The following VDAC1 variants were observed in gnomAD, a reference collection of about 807,000 sequenced individuals.
VDAC1 encodes voltage dependent anion channel 1.
Under a neutral mutation model 34.7 loss-of-function variants are expected in VDAC1, and 10 were observed. That is an observed-to-expected ratio of 0.29 (90% CI 0.18 to 0.49). The LOEUF is 0.49. VDAC1 is among the 20% of genes least tolerant of loss of function. The probability of loss-of-function intolerance (pLI) is 0.99; values close to 1 mark genes in which losing one functional copy is unlikely to be tolerated. For synonymous variants in VDAC1, 130 were observed against 136.0 expected (o/e 0.96, Z 0.30); for missense variants, 230 against 347.9 (o/e 0.66, Z 2.69).
chr5:134,089,030 G>A, the VDAC1 span, among the ~76,000 whole-genome samples: 1 of 152,212 alleles, frequency 6.6e-6, no homozygotes, highest in Non-Finnish European at 1.5e-5. Context: ...CTAATTCTCA[G>A]TTTGCAAGAA....
the VDAC1 span, among the ~76,000 whole-genome samples, chr5:134,035,645 G>A: frequency 6.6e-6 from 1 of 152,146 alleles, no homozygotes; most frequent in South Asian, 2.1e-4. Context: ...TAGATAAATG[G>A]AGAAGGGACA....
the VDAC1 span, among the ~76,000 whole-genome samples, chr5:134,031,568 T>A: frequency 1.3e-5 from 2 of 152,200 alleles, no homozygotes; most frequent in African/African-American, 2.4e-5. Flanking sequence ...GGCTCACACC[T>A]GTAATCCTAG....
At chr5:134,055,590 T>TTTTG in the VDAC1 span, among the ~76,000 whole-genome samples, 472 of 31,196 alleles carry the variant, frequency 0.015, 26 homozygotes, top group African/African-American at 0.044. Flanking sequence ...CCGCTAATGT[T>TTTTG]TTTTTTTTTT....
At chr5:134,098,487 A>C in the VDAC1 span, among the ~76,000 whole-genome samples, 27 of 151,998 alleles carry the variant, frequency 1.8e-4, no homozygotes, top group African/African-American at 6.3e-4. Flanking sequence ...AGCCTCCCAA[A>C]GTGCTGGGAT....
the VDAC1 span, among the ~76,000 whole-genome samples, chr5:134,051,578 A>C: frequency 6.6e-6 from 1 of 151,644 alleles, no homozygotes; most frequent in Non-Finnish European, 1.5e-5. Context: ...TCTGTTCCAT[A>C]TCTCTCTTCT....
intron 5 of VDAC1, 158 bp from the exon 6 acceptor site, chr5:133,981,114 G>A (rs1752680252): frequency 3.2e-6 from 2 of 624,980 alleles, no homozygotes; most frequent in East Asian, 5.5e-5. Context: ...ACCACAATGA[G>A]CAGGACACAA....
the VDAC1 span, among the ~76,000 whole-genome samples, chr5:134,029,633 T>C: frequency 6.6e-6 from 1 of 152,250 alleles, no homozygotes; most frequent in Non-Finnish European, 1.5e-5. Context: ...TTAATTTGAT[T>C]TAATTTTAAT....
intron 5 of VDAC1, among the ~76,000 whole-genome samples, chr5:133,985,387 C>T (rs372792664): frequency 1.1e-4 from 16 of 152,122 alleles, no homozygotes; most frequent in African/African-American, 3.6e-4. Context: ...ACTGGTCAGG[C>T]GTAGTGGCTC....
the VDAC1 span, among the ~76,000 whole-genome samples, chr5:134,029,961 C>T: frequency 6.6e-6 from 1 of 152,090 alleles, no homozygotes; most frequent in Non-Finnish European, 1.5e-5. Flanking sequence ...AAAATGTAAC[C>T]CCTTGGGAAA....
chr5:134,062,919 A>C, the VDAC1 span, among the ~76,000 whole-genome samples: 1 of 146,034 alleles, frequency 6.8e-6, no homozygotes, highest in Non-Finnish European at 1.6e-5. Context: ...GAGCCACTGC[A>C]CCCGGCCTGA....
At chr5:134,079,718 A>AGCCCCAGGCCTTCCCAGGTGAGTTGCT in the VDAC1 span, among the ~76,000 whole-genome samples, 4 of 152,178 alleles carry the variant, frequency 2.6e-5, no homozygotes, top group African/African-American at 4.8e-5. Flanking sequence ...GGCAGCACAA[A>AGCCCCAGGCCTTCCCAGGTGAGTTGCT]GCCCCAGGCC....
chr5:134,026,110 C>A, the VDAC1 span, among the ~76,000 whole-genome samples: 10 of 152,212 alleles, frequency 6.6e-5, no homozygotes, highest in East Asian at 1.9e-3. Context: ...CATGCAAATC[C>A]GAACATCCAA....
chr5:134,060,269 C>T, the VDAC1 span, among the ~76,000 whole-genome samples: 1 of 151,992 alleles, frequency 6.6e-6, no homozygotes, highest in Non-Finnish European at 1.5e-5. Flanking sequence ...CGTTGATGCG[C>T]TGCACGCACC....
chr5:134,080,856 A>G, the VDAC1 span, among the ~76,000 whole-genome samples: 1 of 152,082 alleles, frequency 6.6e-6, no homozygotes, highest in Non-Finnish European at 1.5e-5. Context: ...TAATTATTTT[A>G]AGACTACATA....
chr5:134,098,333 G>T, the VDAC1 span, among the ~76,000 whole-genome samples: 1 of 145,228 alleles, frequency 6.9e-6, no homozygotes, highest in South Asian at 2.1e-4. Flanking sequence ...AAATAGCTGG[G>T]ATTACAGGCA....
At chr5:134,112,922 C>T in the VDAC1 span, among the ~76,000 whole-genome samples, 1 of 152,162 alleles carries the variant, frequency 6.6e-6, no homozygotes, top group Non-Finnish European at 1.5e-5. Context: ...TTCTGGAGGA[C>T]GTTCCTGCTG....
chr5:134,029,202 C>T, the VDAC1 span, among the ~76,000 whole-genome samples: 1 of 152,210 alleles, frequency 6.6e-6, no homozygotes, highest in African/African-American at 2.4e-5. Context: ...GCTCCTTCTG[C>T]CCCAGCGAAG....
the VDAC1 span, among the ~76,000 whole-genome samples, chr5:134,044,671 G>A: frequency 6.3e-4 from 96 of 152,248 alleles, no homozygotes; most frequent in African/African-American, 2.0e-3. Context: ...GTGCGCGCGC[G>A]CACAGGTATG....
At chr5:134,059,076 C>T in the VDAC1 span, among the ~76,000 whole-genome samples, 1 of 152,236 alleles carries the variant, frequency 6.6e-6, no homozygotes. Context: ...TGGTCGGCAA[C>T]AGGCCATGAG....
Sources: gnomAD v4.1 joint callset for allele counts (sites outside exome capture counted in the v4.1 genomes callset) on GRCh38, gnomAD v4.1.1 for gene constraint, MANE v1.5 for transcripts, NCBI Gene and HGNC (gene_info 2026-07-23, HGNC 2026-07-21) for gene names.